The following SEMA3A variants were observed in gnomAD, a reference collection of about 807,000 sequenced individuals.
The protein encoded by SEMA3A is semaphorin 3A, also known as semaphorin-3A.
SEMA3A carries 29 observed loss-of-function variants against 97.9 expected under a neutral mutation model. The ratio of observed to expected loss-of-function variants is 0.30; its 90% CI spans 0.22 to 0.40. The LOEUF (loss-of-function observed/expected upper bound fraction) is 0.40, where lower values mean the gene tolerates loss of function less well. SEMA3A is among the 10% of genes least tolerant of loss of function. The probability of loss-of-function intolerance (pLI) is 1.00; values close to 1 mark genes in which losing one functional copy is unlikely to be tolerated. For missense variants in SEMA3A, 763 were observed against 951.3 expected (o/e 0.80, Z 2.60); for synonymous variants, 321 against 323.7 (o/e 0.99, Z 0.09).
At chr7:84,319,668 A>G (rs765675774) in intron 2 of SEMA3A, among the ~76,000 whole-genome samples, 23 of 152,218 alleles carry the variant, frequency 1.5e-4, no homozygotes, top group Non-Finnish European at 3.1e-4. Flanking sequence ...TATCTGTGAC[A>G]TTATCACCAA....
Position 84,049,741 on chromosome 7 carries a change from T to C in SEMA3A, c.548-3298A>G, listed in dbSNP as rs189964911. Among the ~76,000 whole-genome samples, 78 of 152,008 alleles carry C rather than the reference T, an allele frequency of 5.1e-4. No homozygotes were observed. The Middle Eastern group carries it at 0.01, about 20-fold the overall frequency. On this transcript the variant is annotated intron_variant, in intron 5 of 16. Transcript: ENST00000265362. ...TTAAAATTATTATTATACTTTAAGTTTTAGGGTACATGTGCACAATGTGCA... is the reference window on the plus strand; with the variant it reads ...TTAAAATTATTATTATACTTTAAGTCTTAGGGTACATGTGCACAATGTGCA...
chr7:84,466,955 C>G (rs1037369319), intron 1 of SEMA3A, among the ~76,000 whole-genome samples: 2 of 152,174 alleles, frequency 1.3e-5, no homozygotes, highest in African/African-American at 4.8e-5. Context: ...TCTCTCAGCC[C>G]ATAAATAGTT....
chr7:84,380,359 C>T (rs1423505497), intron 1 of SEMA3A, among the ~76,000 whole-genome samples: 1 of 152,024 alleles, frequency 6.6e-6, no homozygotes, highest in Non-Finnish European at 1.5e-5. Flanking sequence ...AGTTTGATAG[C>T]ATAATTAAAA....
chr7:84,099,219 C>T (rs1214199465), intron 4 of SEMA3A, among the ~76,000 whole-genome samples: 2 of 111,790 alleles, frequency 1.8e-5, no homozygotes, highest in African/African-American at 5.3e-5. Flanking sequence ...TACAGGCGCC[C>T]GCTACCACGC....
intron 3 of SEMA3A, among the ~76,000 whole-genome samples, chr7:84,282,285 C>A (rs965439222): frequency 1.3e-5 from 2 of 151,942 alleles, no homozygotes. Context: ...TTTGCATTTC[C>A]TTTTGTGGCT....
chr7:84,451,140 TTC>T (rs1412465527), intron 1 of SEMA3A, among the ~76,000 whole-genome samples: 1 of 152,212 alleles, frequency 6.6e-6, no homozygotes, highest in African/African-American at 2.4e-5. Flanking sequence ...AAATTTCATT[TTC>T]TTAGATTTAA....
chr7:84,119,723 A>G (rs984564300), intron 3 of SEMA3A, among the ~76,000 whole-genome samples: 2 of 152,184 alleles, frequency 1.3e-5, no homozygotes, highest in Admixed American at 1.3e-4. Context: ...TCAGACACAT[A>G]TAGAAGAATA....
chr7:84,453,945 A>G (rs1805626637), intron 1 of SEMA3A, among the ~76,000 whole-genome samples: 1 of 152,220 alleles, frequency 6.6e-6, no homozygotes, highest in African/African-American at 2.4e-5. Context: ...ATTGCAAGAT[A>G]AAGAAAACTA....
intron 4 of SEMA3A, among the ~76,000 whole-genome samples, chr7:84,062,392 A>G (rs933510354): frequency 6.6e-6 from 1 of 152,210 alleles, no homozygotes; most frequent in African/African-American, 2.4e-5. Context: ...GTGTATTTTG[A>G]TGAAAAATTA....
At chr7:84,144,042 G>A (rs931515499) in intron 1 of SEMA3A, among the ~76,000 whole-genome samples, 10 of 149,802 alleles carry the variant, frequency 6.7e-5, no homozygotes, top group Admixed American at 4.7e-4. Flanking sequence ...ATCACTGTAG[G>A]TAAATTAGTA....
chr7:84,381,062 G>T (rs1195846649), intron 1 of SEMA3A, among the ~76,000 whole-genome samples: 1 of 152,158 alleles, frequency 6.6e-6, no homozygotes, highest in African/African-American at 2.4e-5. Flanking sequence ...GGGAACCATC[G>T]TTATTGCCTA....
chr7:84,344,428 G>A lies in SEMA3A; in HGVS notation c.-169+27396C>T, dbSNP rs182426723. Among the ~76,000 whole-genome samples the A allele has an allele frequency of 4.0e-3, 615 of 152,210 alleles. 4 individuals are homozygous for A. The highest frequency in any genetic ancestry group is 0.014 in the African/African-American group (587 of 41,536). ...TTGCACCAAGGTGTTGCTTGGGAGC[G>A]GTATCCAGAGTGCAGTGCAGAGAAG... On this transcript the variant is annotated intron_variant, in intron 2 of 3. Coordinates refer to the SEMA3A transcript ENST00000424555.
At chr7:84,470,111 C>G (rs2715035) in intron 1 of SEMA3A, among the ~76,000 whole-genome samples, 41,722 of 151,536 alleles carry the variant, frequency 0.28, 7,976 homozygotes, top group East Asian at 0.78. Context: ...TAAATTTATT[C>G]GTAGATAATC....
chr7:84,370,280 T>A (rs531838348), intron 2 of SEMA3A, among the ~76,000 whole-genome samples: 1 of 151,614 alleles, frequency 6.6e-6, no homozygotes, highest in South Asian at 2.1e-4. Flanking sequence ...TATATGTGAG[T>A]CACAATCCAT....
chr7:84,430,644 T>C (rs1485598754), intron 1 of SEMA3A, among the ~76,000 whole-genome samples: 1 of 151,996 alleles, frequency 6.6e-6, no homozygotes, highest in Non-Finnish European at 1.5e-5. Context: ...CCATGTTTGA[T>C]AATTTAGCAA....
chr7:84,061,857 T>C (rs1246448356), intron 4 of SEMA3A, among the ~76,000 whole-genome samples: 1 of 152,214 alleles, frequency 6.6e-6, no homozygotes, highest in Non-Finnish European at 1.5e-5. Context: ...AGCTGTCCTG[T>C]ACCAATGATA....
chr7:84,209,542 T>C (rs1482562352), intron 3 of SEMA3A, among the ~76,000 whole-genome samples: 1 of 152,158 alleles, frequency 6.6e-6, no homozygotes, highest in Non-Finnish European at 1.5e-5. Context: ...AATTCCACCT[T>C]CTGTTCCTTC....
intron 1 of SEMA3A, among the ~76,000 whole-genome samples, chr7:84,459,023 A>C (rs1050055608): frequency 7.9e-5 from 12 of 151,988 alleles, no homozygotes; most frequent in Non-Finnish European, 1.3e-4. Flanking sequence ...CTCTTAATAA[A>C]ATTCATTTGT....
intron 2 of SEMA3A, among the ~76,000 whole-genome samples, chr7:84,356,827 T>C (rs945602101): frequency 5.9e-5 from 9 of 151,782 alleles, no homozygotes; most frequent in Admixed American, 1.3e-4. Flanking sequence ...CAGAAAAAAA[T>C]TACAACATTA....
Sources: allele counts gnomAD v4.1 joint callset (sites outside exome capture counted in the v4.1 genomes callset), GRCh38; gene constraint gnomAD v4.1.1; transcripts MANE v1.5; gene names NCBI Gene and HGNC (gene_info 2026-07-23, HGNC 2026-07-21).